SLC30A8: variants seen among roughly 807,000 people sequenced by gnomAD.
The protein encoded by SLC30A8 is proton-coupled zinc antiporter SLC30A8.
A neutral mutation model predicts 36.9 loss-of-function variants in SLC30A8; 27 were observed. That is an observed-to-expected ratio of 0.73 (90% CI 0.54 to 1.01). The LOEUF is 1.01. SLC30A8 is among the 50% of genes least tolerant of loss of function. The pLI is 0.00. For synonymous variants in SLC30A8, 164 were observed against 172.4 expected, an observed-to-expected ratio of 0.95 and a Z score of 0.38; for missense variants, 439 against 452.0, an observed-to-expected ratio of 0.97 and a Z score of 0.26.
At chr8:117,126,760 A>G (rs1820924001) in intron 2 of SLC30A8, among the ~76,000 whole-genome samples, 1 of 152,056 alleles carries the variant, frequency 6.6e-6, no homozygotes, top group Admixed American at 6.6e-5. Context: ...TGGAAGAGAG[A>G]TAACAATAAG....
chr8:117,020,013 A>G (rs1816650337), intron 1 of SLC30A8, among the ~76,000 whole-genome samples: 1 of 152,188 alleles, frequency 6.6e-6, no homozygotes, highest in South Asian at 2.1e-4. Context: ...CCAGGCAGGT[A>G]AGAAAAGGCA....
chr8:117,166,292 T>C (rs1408956806), intron 6 of SLC30A8, among the ~76,000 whole-genome samples: 4 of 152,140 alleles, frequency 2.6e-5, no homozygotes, highest in African/African-American at 7.2e-5. Flanking sequence ...AAAAATAAGG[T>C]TTATTGGAGA....
At chr8:116,993,179 G>C (rs2130668308) in intron 1 of SLC30A8, among the ~76,000 whole-genome samples, 1 of 151,320 alleles carries the variant, frequency 6.6e-6, no homozygotes, top group Non-Finnish European at 1.5e-5. Flanking sequence ...CTTGAGAGCT[G>C]AGCAAAGATT....
At chr8:117,144,090 A>G (rs780742653) in intron 1 of SLC30A8, among the ~76,000 whole-genome samples, 1 of 152,164 alleles carries the variant, frequency 6.6e-6, no homozygotes, top group Non-Finnish European at 1.5e-5. Context: ...TGCTTTGCTC[A>G]TGCTGTCTTC....
chr8:117,064,133 A>G (rs968502017), intron 2 of SLC30A8, among the ~76,000 whole-genome samples: 2 of 152,102 alleles, frequency 1.3e-5, no homozygotes, highest in Admixed American at 1.3e-4. Context: ...CTGGGATTAC[A>G]GGTGCCTGCC....
At chr8:117,105,036 C>CTTGGTT (rs1172172478) in intron 2 of SLC30A8, among the ~76,000 whole-genome samples, 2 of 152,088 alleles carry the variant, frequency 1.3e-5, no homozygotes, top group Non-Finnish European at 2.9e-5. Context: ...TTGTCACCAT[C>CTTGGTT]TTGGTTTTGG....
intron 2 of SLC30A8, among the ~76,000 whole-genome samples, chr8:117,104,778 T>C (rs911018799): frequency 6.6e-6 from 1 of 152,120 alleles, no homozygotes. Context: ...GAACTGTTGG[T>C]TGGCTATTTT....
At chr8:117,141,754 G>A (rs562387255) in intron 1 of SLC30A8, among the ~76,000 whole-genome samples, 3 of 152,242 alleles carry the variant, frequency 2.0e-5, no homozygotes, top group African/African-American at 7.2e-5. Context: ...CCACTTCAAT[G>A]AGTTCTACTC....
At chr8:117,116,298 T>A (rs767906468) in intron 2 of SLC30A8, among the ~76,000 whole-genome samples, 10 of 151,984 alleles carry the variant, frequency 6.6e-5, no homozygotes, top group Non-Finnish European at 1.3e-4. Context: ...TGTTTTGATC[T>A]AAAAAATACC....
chr8:116,991,575 A>T (rs1815647555), intron 1 of SLC30A8, among the ~76,000 whole-genome samples: 7 of 152,186 alleles, frequency 4.6e-5, no homozygotes, highest in Admixed American at 4.6e-4. Flanking sequence ...AAGTGCTAGG[A>T]TTATAGGCGT....
At position 117,103,126 on chromosome 8, in the gene SLC30A8, G is replaced by T. The variant is rs576850691; in HGVS notation, c.-225-32154G>T. 2.0e-5 allele frequency among the ~76,000 whole-genome samples: 3 copies of T among 152,092 alleles called. No homozygotes were observed. In the East Asian group the frequency reaches 5.8e-4, roughly 29 times the overall value. On this transcript the variant is annotated intron_variant, in intron 2 of 10. Coordinates refer to the SLC30A8 transcript ENST00000427715. Reference sequence around the variant, plus strand: ...AGGTATGGGTGAGAATCTGGGTAGGGTCCATCCCGAAGTAAAATTCCTCTC... The same window carrying T: ...AGGTATGGGTGAGAATCTGGGTAGGTTCCATCCCGAAGTAAAATTCCTCTC...
chr8:117,003,187 C>T (rs551207021), intron 1 of SLC30A8, among the ~76,000 whole-genome samples: 38 of 152,124 alleles, frequency 2.5e-4, no homozygotes, highest in Admixed American at 1.2e-3. Flanking sequence ...AACTCAGGCC[C>T]GCTAAGACCA....
chr8:117,128,143 C>A (rs1820985957), intron 2 of SLC30A8, among the ~76,000 whole-genome samples: 1 of 151,976 alleles, frequency 6.6e-6, no homozygotes, highest in South Asian at 2.1e-4. Flanking sequence ...TTTCTTCTTT[C>A]AGTTTTCTCC....
chr8:117,046,560 G>A (rs1817557884), intron 2 of SLC30A8, among the ~76,000 whole-genome samples: 3 of 152,140 alleles, frequency 2.0e-5, no homozygotes, highest in African/African-American at 7.2e-5. Context: ...AAGTAAATAA[G>A]GCAAGGGAAC....
intron 1 of SLC30A8, among the ~76,000 whole-genome samples, chr8:116,996,546 A>G (rs1271352293): frequency 2.0e-5 from 3 of 151,278 alleles, no homozygotes; most frequent in Non-Finnish European, 4.4e-5. Context: ...CTAAACCCCA[A>G]CTCTCTTTCT....
At chr8:117,031,945 G>C (rs1817065104) in intron 1 of SLC30A8, among the ~76,000 whole-genome samples, 1 of 152,082 alleles carries the variant, frequency 6.6e-6, no homozygotes, top group African/African-American at 2.4e-5. Flanking sequence ...TTTCTGGCTG[G>C]TAAGATATTT....
intron 1 of SLC30A8, among the ~76,000 whole-genome samples, chr8:116,971,708 A>G (rs955352868): frequency 1.3e-5 from 2 of 152,176 alleles, no homozygotes; most frequent in African/African-American, 2.4e-5. Flanking sequence ...GTCTCTGTAG[A>G]CAATGAATAT....
At chr8:117,136,663 AAAAC>A (rs981281030) in intron 1 of SLC30A8, among the ~76,000 whole-genome samples, 4 of 152,022 alleles carry the variant, frequency 2.6e-5, no homozygotes, top group Admixed American at 6.6e-5. Flanking sequence ...ATTAACATAA[AAAAC>A]AAAGCCTTGT....
intron 1 of SLC30A8, among the ~76,000 whole-genome samples, chr8:116,968,595 G>A (rs1814679328): frequency 6.6e-6 from 1 of 151,670 alleles, no homozygotes; most frequent in Admixed American, 6.6e-5. Flanking sequence ...TGCCATTAGA[G>A]GGAAAGGAAG....
Sources: allele counts gnomAD v4.1 joint callset (sites outside exome capture counted in the v4.1 genomes callset), GRCh38; gene constraint gnomAD v4.1.1; transcripts MANE v1.5; gene names NCBI Gene and HGNC (gene_info 2026-07-23, HGNC 2026-07-21).